Variants in PCCA observed in about 807,000 individuals in gnomAD.
PCCA encodes propionyl-CoA carboxylase alpha chain, mitochondrial.
Under a neutral mutation model 101.3 loss-of-function variants are expected in PCCA, and 74 were observed. The observed-to-expected ratio is 0.73, with a 90% confidence interval of 0.61 to 0.89. The LOEUF (loss-of-function observed/expected upper bound fraction) is 0.89, where lower values mean the gene tolerates loss of function less well. Ranked by LOEUF, PCCA falls within the 40% of genes least tolerant of loss-of-function variation. The pLI, the probability that PCCA is intolerant of heterozygous loss-of-function variation, is 0.00. For missense variants in PCCA, 891 were observed against 907.0 expected, an observed-to-expected ratio of 0.98 and a Z score of 0.23; for synonymous variants, 294 against 313.6, an observed-to-expected ratio of 0.94 and a Z score of 0.66.
intron 4 of PCCA, among the ~76,000 whole-genome samples, chr13:100,144,133 T>C (rs952326151): frequency 6.6e-6 from 1 of 152,168 alleles, no homozygotes; most frequent in Admixed American, 6.5e-5. Context: ...AAGGAAAACT[T>C]CTTGAGCTCC....
chr13:100,446,047 T>TTTGTTTTTTTG (rs1418254616), intron 20 of PCCA, among the ~76,000 whole-genome samples: 1 of 152,214 alleles, frequency 6.6e-6, no homozygotes, highest in Non-Finnish European at 1.5e-5. Context: ...TTTTCTTTTC[T>TTTGTTTTTTTG]TTGTTTTTTT....
intron 19 of PCCA, among the ~76,000 whole-genome samples, chr13:100,424,000 C>T (rs533254472): frequency 9.8e-5 from 15 of 152,306 alleles, no homozygotes; most frequent in African/African-American, 2.9e-4. Flanking sequence ...CTACTACAGT[C>T]GGCCCATGGG....
chr13:100,145,802 C>T (rs1043636945), intron 4 of PCCA, among the ~76,000 whole-genome samples: 11 of 148,252 alleles, frequency 7.4e-5, no homozygotes, highest in African/African-American at 2.5e-4. Context: ...GTGGAGGTTG[C>T]GGTGAGCCAA....
intron 19 of PCCA, among the ~76,000 whole-genome samples, chr13:100,409,380 G>T (rs1156423928): frequency 6.6e-6 from 1 of 152,138 alleles, no homozygotes; most frequent in African/African-American, 2.4e-5. Flanking sequence ...ATGGCCAGAA[G>T]AATTCAGGCT....
chr13:100,221,483 T>TTCA (rs2152497774), intron 7 of PCCA, among the ~76,000 whole-genome samples: 1 of 152,332 alleles, frequency 6.6e-6, no homozygotes, highest in East Asian at 1.9e-4. Flanking sequence ...AGGCTGCATC[T>TTCA]GAATTTGCAG....
intron 4 of PCCA, among the ~76,000 whole-genome samples, chr13:100,129,710 A>G (rs1020914315): frequency 6.6e-6 from 1 of 152,284 alleles, no homozygotes; most frequent in African/African-American, 2.4e-5. Context: ...CACAGTCTCC[A>G]GGAGTTGTAG....
chr13:100,089,203 G>A lies in PCCA; in HGVS notation c.83G>A (p.Ser28Asn). 5 of 1,524,316 alleles carry A rather than the reference G, an allele frequency of 3.3e-6. No individual in the cohort carries two copies. The highest frequency in any genetic ancestry group is 4.4e-6 in the Non-Finnish European group (5 of 1,137,316). 94.4% of individuals were successfully genotyped at this position (1,524,316 alleles called of 1,614,324 possible). A position where few individuals can be genotyped will look rare whatever the true frequency, so the allele number is the denominator to read the frequency against. ...GRWPPQQLML[S>N]AALRTLKHVL... The stretch of plus-strand genomic sequence containing the variant: ...TGGCCGCCGCAGCAGCTGATGCTGA[G>A]CGCGGCGCTGCGGACCCTGAAGGTG... Residue 28 changes from serine (S) to asparagine (N), a missense_variant, in exon 1 of 24, where the codon AGC becomes AAC. Ser to Asn is a conservative substitution (Grantham distance 46). Transcript: ENST00000376285.
At chr13:100,391,302 G>T (rs981172163) in intron 19 of PCCA, among the ~76,000 whole-genome samples, 1 of 152,184 alleles carries the variant, frequency 6.6e-6, no homozygotes, top group Non-Finnish European at 1.5e-5. Flanking sequence ...AAGGACAAAG[G>T]AGCGGGTGGA....
intron 16 of PCCA, among the ~76,000 whole-genome samples, chr13:100,318,768 T>C (rs577627874): frequency 6.6e-6 from 1 of 152,284 alleles, no homozygotes; most frequent in Non-Finnish European, 1.5e-5. Context: ...TCTTTGCTAT[T>C]GTGAATAGTG....
chr13:100,248,776 C>T (rs1365451690), intron 8 of PCCA, among the ~76,000 whole-genome samples: 4 of 152,008 alleles, frequency 2.6e-5, no homozygotes, highest in Non-Finnish European at 5.9e-5. Context: ...GATGGAGTCT[C>T]ACTCTTGTTG....
intron 8 of PCCA, among the ~76,000 whole-genome samples, chr13:100,255,271 TC>T (rs2062003895): frequency 6.6e-6 from 1 of 152,220 alleles, no homozygotes; most frequent in African/African-American, 2.4e-5. Flanking sequence ...TCTAATGACT[TC>T]CCACCTTTTC....
intron 19 of PCCA, among the ~76,000 whole-genome samples, chr13:100,379,239 A>G (rs912297518): frequency 6.6e-6 from 1 of 151,986 alleles, no homozygotes; most frequent in Non-Finnish European, 1.5e-5. Context: ...TTAGTGGCTT[A>G]GGGTACTGTT....
At chr13:100,404,706 A>G (rs1490845367) in intron 19 of PCCA, among the ~76,000 whole-genome samples, 1 of 152,078 alleles carries the variant, frequency 6.6e-6, no homozygotes. Context: ...TGGCTGTCAA[A>G]TCAACTTGCA....
At chr13:100,245,906 C>T (rs190519075) in intron 8 of PCCA, among the ~76,000 whole-genome samples, 1 of 152,060 alleles carries the variant, frequency 6.6e-6, no homozygotes, top group South Asian at 2.1e-4. Context: ...AATTTTGGGA[C>T]CAATACCTGA....
chr13:100,498,235 CAAA>C (rs34099057), intron 21 of PCCA, among the ~76,000 whole-genome samples: 9 of 127,974 alleles, frequency 7.0e-5, no homozygotes, highest in African/African-American at 8.5e-5. Flanking sequence ...GTAGGTTAGC[CAAA>C]AAAAAAAAAA....
chr13:100,141,260 C>A (rs1341442602), intron 4 of PCCA, among the ~76,000 whole-genome samples: 1 of 152,154 alleles, frequency 6.6e-6, no homozygotes, highest in Non-Finnish European at 1.5e-5. Context: ...TATACTGGCA[C>A]CTTTCACATT....
intron 4 of PCCA, among the ~76,000 whole-genome samples, chr13:100,113,284 A>G (rs1246260028): frequency 1.3e-5 from 2 of 152,202 alleles, no homozygotes; most frequent in Non-Finnish European, 1.5e-5. Flanking sequence ...GTGTATCTAA[A>G]CACAGAAAAG....
At chr13:100,144,514 C>G (rs1293005931) in intron 4 of PCCA, among the ~76,000 whole-genome samples, 1 of 152,070 alleles carries the variant, frequency 6.6e-6, no homozygotes, top group Non-Finnish European at 1.5e-5. Context: ...TAGATGCTCA[C>G]TAGATTAGTT....
At chr13:100,517,234 C>G (rs553680532) in intron 22 of PCCA, among the ~76,000 whole-genome samples, 2 of 152,346 alleles carry the variant, frequency 1.3e-5, no homozygotes, top group South Asian at 4.1e-4. Context: ...GCCCCTCACA[C>G]GGCCCTCAAG....
Sources: allele counts gnomAD v4.1 joint callset (sites outside exome capture counted in the v4.1 genomes callset), GRCh38; gene constraint gnomAD v4.1.1; transcripts MANE v1.5; gene names NCBI Gene and HGNC (gene_info 2026-07-23, HGNC 2026-07-21).